Variants in HTR4 observed in about 807,000 individuals in gnomAD.
HTR4 encodes 5-hydroxytryptamine (serotonin) receptor 4, G protein-coupled.
HTR4 carries 16 observed loss-of-function variants against 36.8 expected under a neutral mutation model. The observed-to-expected ratio is 0.43, with a 90% CI of 0.29 to 0.66. HTR4 has a LOEUF of 0.66. Ranked by LOEUF, HTR4 falls within the 30% of genes least tolerant of loss-of-function variation. The probability of loss-of-function intolerance (pLI) is 0.13; values close to 1 mark genes in which losing one functional copy is unlikely to be tolerated. For missense variants in HTR4, 438 were observed against 490.9 expected (o/e 0.89, Z 1.02); for synonymous variants, 189 against 185.1 (o/e 1.02, Z -0.17).
Position 148,451,053 on chromosome 5 carries a change from C to T in HTR4, c.*132G>A, listed in dbSNP as rs113864253. 2.1e-4 allele frequency: 310 copies of T among 1,483,230 alleles called. 1 individual carries two copies. The African/African-American group carries it at 3.3e-3, about 16-fold the overall frequency. 91.9% of individuals were successfully genotyped at this position (1,483,230 alleles called of 1,614,324 possible). On this transcript the variant is annotated 3_prime_UTR_variant, in exon 6 of 6. Coordinates refer to the HTR4 transcript ENST00000521530. ...CCCCCCAACACTGTCCTCCATGTAC[C>T]TCCTCTGGGCTCTCAGCCCCTACTA...
rs1757398183 is a variant in HTR4, at chr5:148,509,654, A to C, written c.878T>G (p.Val293Gly). ...GCCGAGCCAGAGGAAAGCAGTCCACACCTGCCCAGGGACAGTGTAGTCTAT... is the reference window on the plus strand; with the variant it reads ...GCCGAGCCAGAGGAAAGCAGTCCACCCCTGCCCAGGGACAGTGTAGTCTAT... ...PFIDYTVPGQ[V>G]WTAFLWLGYI... The change falls in exon 6 of 7, where the codon GTG (valine) becomes GGG (glycine). Residue 293 changes from valine (V) to glycine (G), a missense_variant. Physicochemically the swap from Val to Gly is moderately radical, Grantham distance 109. Transcript: ENST00000377888. 1 of 1,614,010 alleles carries C rather than the reference A, an allele frequency of 6.2e-7. No individual in the cohort carries two copies. The highest frequency in any genetic ancestry group is 8.5e-7 in the Non-Finnish European group (1 of 1,180,012).
intron 1 of HTR4, among the ~76,000 whole-genome samples, chr5:148,650,337 A>G (rs1753996768): frequency 6.6e-6 from 1 of 152,210 alleles, no homozygotes; most frequent in African/African-American, 2.4e-5. Flanking sequence ...ACCTTCTCAG[A>G]CGTGCCTTAG....
chr5:148,515,572 A>C (rs1278922400), intron 5 of HTR4, among the ~76,000 whole-genome samples: 1 of 152,104 alleles, frequency 6.6e-6, no homozygotes, highest in East Asian at 1.9e-4. Flanking sequence ...ATATCATCTT[A>C]ATGTTTAAAG....
chr5:148,602,492 G>A (rs1176422714), intron 2 of HTR4, among the ~76,000 whole-genome samples: 3 of 152,084 alleles, frequency 2.0e-5, no homozygotes, highest in African/African-American at 7.2e-5. Context: ...GGCTTAGTGG[G>A]AAATTTATAA....
intron 2 of HTR4, among the ~76,000 whole-genome samples, chr5:148,631,327 T>G (rs1323458834): frequency 6.6e-6 from 1 of 152,178 alleles, no homozygotes; most frequent in Admixed American, 6.6e-5. Context: ...TGGTACCCAC[T>G]CACTTTCTCC....
chr5:148,576,103 TCC>T (rs1760889777), intron 2 of HTR4, among the ~76,000 whole-genome samples: 2 of 28,222 alleles, frequency 7.1e-5, no homozygotes, highest in Admixed American at 4.9e-4. Flanking sequence ...AGAGCGAGAC[TCC>T]GTCTCAAAAA....
Position 148,506,497 on chromosome 5 carries a change from G to A in HTR4, c.1076+2959C>T, listed in dbSNP as rs115776086. Among the ~76,000 whole-genome samples the A allele has an allele frequency of 6.1e-3, 925 of 152,194 alleles. 4 individuals carry two copies. The highest frequency in any genetic ancestry group is 0.02 in the African/African-American group (815 of 41,518). On this transcript the variant is annotated intron_variant, in intron 6 of 6. Coordinates refer to ENST00000377888, the MANE Select transcript of HTR4 (RefSeq NM_000870.7). Reference sequence around the variant, plus strand: ...ACATGTCTAAAACACCAAAAACAACGGCAACAGAAGCTAAAATTGACAAAT... The same window carrying A: ...ACATGTCTAAAACACCAAAAACAACAGCAACAGAAGCTAAAATTGACAAAT...
chr5:148,577,175 C>CA (rs1561629906), intron 2 of HTR4, among the ~76,000 whole-genome samples: 1 of 151,710 alleles, frequency 6.6e-6, no homozygotes, highest in East Asian at 1.9e-4. Context: ...ATCCATTTTC[C>CA]AAAAAAAGAC....
At chr5:148,599,918 C>T (rs1292558063) in intron 2 of HTR4, among the ~76,000 whole-genome samples, 1 of 150,750 alleles carries the variant, frequency 6.6e-6, no homozygotes, top group Non-Finnish European at 1.5e-5. Context: ...TCTATAATAA[C>T]CATTAAGGAA....
chr5:148,644,424 T>TG, intron 1 of HTR4, among the ~76,000 whole-genome samples: 5 of 64,790 alleles, frequency 7.7e-5, no homozygotes, highest in African/African-American at 3.8e-4. Context: ...GCTCACAAGT[T>TG]TTTTTTTTTT....
At chr5:148,601,175 A>T (rs1471117503) in intron 2 of HTR4, among the ~76,000 whole-genome samples, 2 of 151,728 alleles carry the variant, frequency 1.3e-5, no homozygotes, top group Non-Finnish European at 2.9e-5. Context: ...TGCTATTATT[A>T]AAAAAAATAA....
intron 1 of HTR4, among the ~76,000 whole-genome samples, chr5:148,653,744 A>T (rs950918679): frequency 6.6e-6 from 1 of 152,206 alleles, no homozygotes; most frequent in African/African-American, 2.4e-5. Flanking sequence ...ACACACGCAC[A>T]CACACAAATC....
chr5:148,548,619 G>C, intron 4 of HTR4, 49 bp downstream of exon 4: 1 of 1,427,152 alleles, frequency 7.0e-7, no homozygotes, highest in South Asian at 1.2e-5. Flanking sequence ...TATCCATCAA[G>C]TCATGTCTCC....
At chr5:148,460,549 C>T (rs10041517) in intron 5 of HTR4, among the ~76,000 whole-genome samples, 64,402 of 151,712 alleles carry the variant, frequency 0.42, 14,137 homozygotes, top group East Asian at 0.7. Context: ...AAATTATCCT[C>T]CAAAAGTAAA....
At chr5:148,460,010 G>A (rs1187898210) in intron 5 of HTR4, among the ~76,000 whole-genome samples, 10 of 152,080 alleles carry the variant, frequency 6.6e-5, no homozygotes, top group Non-Finnish European at 5.9e-5. Context: ...AATGAAGACT[G>A]CCTTTGATGG....
At chr5:148,612,707 A>G (rs1752488277) in intron 2 of HTR4, among the ~76,000 whole-genome samples, 2 of 147,198 alleles carry the variant, frequency 1.4e-5, no homozygotes, top group African/African-American at 5.0e-5. Flanking sequence ...ATAGAGACAC[A>G]AAAAAACCCT....
At chr5:148,629,980 T>C (rs1229346047) in intron 2 of HTR4, 1 of 151,980 alleles carries the variant, frequency 6.6e-6, no homozygotes. Context: ...GAAAGAGGAG[T>C]ATATTTCTTC....
intron 2 of HTR4, among the ~76,000 whole-genome samples, chr5:148,615,935 A>C (rs1752664540): frequency 6.6e-6 from 1 of 152,200 alleles, no homozygotes; most frequent in Non-Finnish European, 1.5e-5. Context: ...TGGAAGATAC[A>C]GTTCGGGCAG....
At chr5:148,521,016 A>G in intron 5 of HTR4, 1 of 1,366,724 alleles carries the variant, frequency 7.3e-7, no homozygotes, top group Non-Finnish European at 9.8e-7. Flanking sequence ...GAAAAGAGGA[A>G]AGGGCAGCTC....
Sources: allele counts gnomAD v4.1 joint callset (sites outside exome capture counted in the v4.1 genomes callset), GRCh38; gene constraint gnomAD v4.1.1; transcripts MANE v1.5; gene names NCBI Gene and HGNC (gene_info 2026-07-23, HGNC 2026-07-21).